ANK1: variants seen among roughly 807,000 people sequenced by gnomAD.
ANK1 encodes ankyrin-1.
A neutral mutation model predicts 210.4 loss-of-function variants in ANK1; 51 were observed. The ratio of observed to expected loss-of-function variants is 0.24; its 90% CI spans 0.19 to 0.31. The LOEUF (loss-of-function observed/expected upper bound fraction) is 0.31, where lower values mean the gene tolerates loss of function less well. ANK1 is among the 10% of genes least tolerant of loss of function. ANK1 has a pLI of 1.00. For synonymous variants in ANK1, 967 were observed against 1,025.9 expected (o/e 0.94, Z 1.10); for missense variants, 2,051 against 2,504.4 (o/e 0.82, Z 3.86).
exon 1 of ANK1, chr8:41,896,601 C>T (rs1202249292): frequency 2.5e-5 from 32 of 1,291,852 alleles, no homozygotes; most frequent in Non-Finnish European, 3.1e-5. Flanking sequence ...GCGTTCGTGG[C>T]GCCCCGAGGG....
intron 1 of ANK1, among the ~76,000 whole-genome samples, chr8:41,780,057 T>C (rs1033739005): frequency 2.6e-5 from 4 of 152,196 alleles, no homozygotes; most frequent in African/African-American, 9.6e-5. Flanking sequence ...ATTAGTATTT[T>C]GCATTTGCCA....
At chr8:41,821,616 C>T (rs990553334) in intron 1 of ANK1, among the ~76,000 whole-genome samples, 3 of 152,184 alleles carry the variant, frequency 2.0e-5, no homozygotes, top group Non-Finnish European at 2.9e-5. Flanking sequence ...GTTTAGTTGG[C>T]CATGACTTCC....
intron 1 of ANK1, among the ~76,000 whole-genome samples, chr8:41,835,002 G>A (rs373271387): frequency 5.3e-5 from 8 of 152,242 alleles, no homozygotes; most frequent in African/African-American, 1.4e-4. Flanking sequence ...GCCCCAGAAC[G>A]GCTAAAGGAC....
intron 1 of ANK1, among the ~76,000 whole-genome samples, chr8:41,856,594 G>A (rs575895754): frequency 1.3e-5 from 2 of 152,108 alleles, no homozygotes; most frequent in Non-Finnish European, 2.9e-5. Context: ...GTGACTACAG[G>A]TTGAGTAACA....
intron 1 of ANK1, among the ~76,000 whole-genome samples, chr8:41,822,093 AGAGAGAG>A (rs1563844649): frequency 0.023 from 1,255 of 54,584 alleles, 55 homozygotes; most frequent in African/African-American, 0.092. Flanking sequence ...AGAGAGAGAG[AGAGAGAG>A]AGAGAGAGAG....
intron 1 of ANK1, chr8:41,896,248 C>T (rs1029486869): frequency 2.9e-6 from 4 of 1,381,170 alleles, no homozygotes; most frequent in African/African-American, 1.5e-5. Flanking sequence ...CCAACTCCGC[C>T]GCACCGGGCG....
chr8:41,655,818 C>A, intron 42 of ANK1, 65 bp from the exon 43 acceptor site: 1 of 1,556,564 alleles, frequency 6.4e-7, no homozygotes, highest in South Asian at 1.1e-5. Context: ...GCAAAAACCC[C>A]ACACACAGAG....
intron 1 of ANK1, among the ~76,000 whole-genome samples, chr8:41,786,970 T>G (rs528858109): frequency 6.6e-6 from 1 of 152,370 alleles, no homozygotes; most frequent in South Asian, 2.1e-4. Context: ...TGACATGTTT[T>G]CATGGTTTCC....
intron 1 of ANK1, among the ~76,000 whole-genome samples, chr8:41,892,939 C>T: frequency 6.7e-6 from 1 of 148,570 alleles, no homozygotes; most frequent in East Asian, 1.9e-4. Flanking sequence ...TAACTAGGGA[C>T]AAGGAGAGAG....
chr8:41,663,937 G>C, intron 39 of ANK1, 195 bp from the exon 40 acceptor site: 1 of 667,552 alleles, frequency 1.5e-6, no homozygotes, highest in South Asian at 1.6e-5. Flanking sequence ...CTGAGGGTCT[G>C]GGAGGCCTGA....
At chr8:41,665,645 C>T (rs28411393) in intron 39 of ANK1, 6 of 235,208 alleles carry the variant, frequency 2.6e-5, no homozygotes, top group Non-Finnish European at 5.1e-5. Flanking sequence ...CCAGCTAATA[C>T]CCTGGGTACT....
At chr8:41,795,334 G>A (rs923958218) in intron 1 of ANK1, among the ~76,000 whole-genome samples, 2 of 151,920 alleles carry the variant, frequency 1.3e-5, no homozygotes, top group Non-Finnish European at 2.9e-5. Context: ...CCAACATGGT[G>A]AGACTGAGAC....
chr8:41,896,579 A>G, exon 1 of ANK1: 2 of 1,412,164 alleles, frequency 1.4e-6, no homozygotes, highest in African/African-American at 3.0e-5. Context: ...TCTCTGCTCC[A>G]CAGAGGGGAC....
intron 1 of ANK1, among the ~76,000 whole-genome samples, chr8:41,821,363 G>A (rs1353521641): frequency 1.3e-5 from 2 of 152,164 alleles, no homozygotes; most frequent in African/African-American, 4.8e-5. Context: ...CACTTAGGGA[G>A]TACTTTGTTG....
chr8:41,723,509 T>G (rs989544495), intron 8 of ANK1, 26 bp downstream of exon 8: 4 of 1,613,124 alleles, frequency 2.5e-6, no homozygotes, highest in Non-Finnish European at 3.4e-6. Flanking sequence ...TCCCCCTGCC[T>G]GGCTACAGCA....
intron 39 of ANK1, chr8:41,665,339 C>T (rs939949416): frequency 2.3e-5 from 30 of 1,291,406 alleles, no homozygotes; most frequent in Admixed American, 7.1e-5. Flanking sequence ...GCTGTCCAAC[C>T]GGGCTAGAAG....
chr8:41,889,045 T>C (rs1818941269), intron 1 of ANK1, among the ~76,000 whole-genome samples: 1 of 152,248 alleles, frequency 6.6e-6, no homozygotes. Flanking sequence ...CTCACCATGT[T>C]GCCCAGGTTG....
intron 1 of ANK1, among the ~76,000 whole-genome samples, chr8:41,793,403 A>AT (rs1318125998): frequency 3.3e-5 from 5 of 152,228 alleles, no homozygotes; most frequent in African/African-American, 1.2e-4. Flanking sequence ...ATAAAAAAAA[A>AT]TAAATACAAC....
rs369541562 is a variant in ANK1 at position 41,736,151 on chromosome 8, A to C, written c.130-2082T>G. On this transcript the variant is annotated intron_variant, in intron 2 of 42. Transcript: ENST00000289734. ...GTCAGAGCCAGTCTGGGTAATAGAG[A>C]GGGAGAAAGTGCTTGAGGGCCAGAT... Among the ~76,000 whole-genome samples the C allele has an allele frequency of 5.7e-4, 87 of 152,280 alleles. 1 individual carries two copies. Among genetic ancestry groups the C allele is most frequent in the African/African-American group, 1.9e-3 (81 of 41,548 alleles).
Sources: gnomAD v4.1 joint callset for allele counts (sites outside exome capture counted in the v4.1 genomes callset) on GRCh38, gnomAD v4.1.1 for gene constraint, MANE v1.5 for transcripts, NCBI Gene and HGNC (gene_info 2026-07-23, HGNC 2026-07-21) for gene names.